PDE6A: variants seen among roughly 807,000 people sequenced by gnomAD.
PDE6A encodes phosphodiesterase 6A, also known as rod cGMP-specific 3',5'-cyclic phosphodiesterase subunit alpha.
A neutral mutation model predicts 106.3 loss-of-function variants in PDE6A; 84 were observed. That is an observed-to-expected ratio of 0.79 (90% CI 0.66 to 0.95). The LOEUF (loss-of-function observed/expected upper bound fraction) is 0.95, where lower values mean the gene tolerates loss of function less well. PDE6A is among the 40% of genes least tolerant of loss of function. PDE6A has a pLI of 0.00. For synonymous variants in PDE6A, 394 were observed against 386.6 expected, an observed-to-expected ratio of 1.02 and a Z score of -0.23; for missense variants, 1,052 against 1,084.9, an observed-to-expected ratio of 0.97 and a Z score of 0.43.
chr5:149,922,064 A>C (rs1355316249), intron 4 of PDE6A, among the ~76,000 whole-genome samples: 1 of 152,174 alleles, frequency 6.6e-6, no homozygotes, highest in Admixed American at 6.5e-5. Flanking sequence ...ACAATGTCCC[A>C]AGCAGTATCA....
chr5:149,860,666 A>G lies in PDE6A; in HGVS notation c.*229T>C. On this transcript the variant is annotated 3_prime_UTR_variant, in exon 22 of 22. Transcript: ENST00000255266. ...TTTTTTTTGGCGATTTTTTTTTTTA[A>G]GTTCAACAGCTATCATTAGTGTTAC... The G allele has an allele frequency of 2.5e-6, 1 of 393,844 alleles. No individual in the cohort carries two copies. The highest frequency in any genetic ancestry group is 4.5e-6 in the Non-Finnish European group (1 of 220,224). 24.4% of individuals were successfully genotyped at this position (393,844 alleles called of 1,614,324 possible). A position where few individuals can be genotyped will look rare whatever the true frequency, so the allele number is the denominator to read the frequency against.
chr5:149,906,946 A>G (rs1020760320), intron 7 of PDE6A, among the ~76,000 whole-genome samples: 9 of 151,728 alleles, frequency 5.9e-5, no homozygotes, highest in Non-Finnish European at 1.2e-4. Context: ...AAATTTTTAT[A>G]TTTTTAGTAG....
rs542707554 is a variant in PDE6A at position 149,905,325 on chromosome 5, T to C, written c.1066-1630A>G. Among the ~76,000 whole-genome samples, 17 of 152,268 alleles carry C rather than the reference T, an allele frequency of 1.1e-4. No individual in the cohort carries two copies. In the South Asian group the frequency reaches 3.5e-3, roughly 32 times the overall value. On this transcript the variant is annotated intron_variant, in intron 7 of 21. Coordinates refer to ENST00000255266, the MANE Select transcript of PDE6A (RefSeq NM_000440.3). ...AGTGGCTTCCTCCACACTCATAATTTCAAACACCATCTGGTCCTGATATCT... is the reference window on the plus strand; with the variant it reads ...AGTGGCTTCCTCCACACTCATAATTCCAAACACCATCTGGTCCTGATATCT...
At chr5:149,911,117 G>A (rs775209621) in intron 6 of PDE6A, among the ~76,000 whole-genome samples, 6 of 151,962 alleles carry the variant, frequency 3.9e-5, no homozygotes, top group Non-Finnish European at 8.8e-5. Flanking sequence ...CTGAGCTCAA[G>A]GGATCTGCCT....
chr5:149,931,480 A>C (rs947171253), intron 3 of PDE6A, among the ~76,000 whole-genome samples: 11 of 152,228 alleles, frequency 7.2e-5, no homozygotes, highest in Non-Finnish European at 1.5e-4. Flanking sequence ...CAAGTACAAA[A>C]CTAAAATGAA....
At chr5:149,881,101 A>C (rs1044442811) in intron 17 of PDE6A, among the ~76,000 whole-genome samples, 3 of 152,102 alleles carry the variant, frequency 2.0e-5, no homozygotes, top group Admixed American at 6.6e-5. Flanking sequence ...AACATAACAG[A>C]TGCTGGTAAG....
intron 6 of PDE6A, among the ~76,000 whole-genome samples, chr5:149,910,407 A>G (rs1188412430): frequency 6.6e-6 from 1 of 152,216 alleles, no homozygotes; most frequent in Non-Finnish European, 1.5e-5. Flanking sequence ...AATGCTGCCA[A>G]TTAACCTATA....
intron 9 of PDE6A, 98 bp from the exon 10 acceptor site, chr5:149,898,604 G>T: frequency 7.7e-7 from 1 of 1,291,328 alleles, no homozygotes; most frequent in Non-Finnish European, 1.1e-6. Flanking sequence ...TGTTTTCTCA[G>T]CTATAAAATG....
chr5:149,863,143 G>C lies in PDE6A; in HGVS notation c.2482C>G (p.Gln828Glu). 6.2e-7 allele frequency: 1 copy of C among 1,614,200 alleles called. No individual in the cohort carries two copies. Among genetic ancestry groups the C allele is most frequent in the African/African-American group, 1.3e-5 (1 of 75,040 alleles). ...CCTGACTTGGCCGACTGCTGTTTCTGCTTCTTCTCCTCCTGCACCTTCATC... is the reference window on the plus strand; with the variant it reads ...CCTGACTTGGCCGACTGCTGTTTCTCCTTCTTCTCCTCCTGCACCTTCATC... ...AKMKVQEEKKQKQQSAKSAAA... is the reference protein window; with the variant it reads ...AKMKVQEEKKEKQQSAKSAAA... Residue 828 changes from glutamine (Q) to glutamate (E), a missense_variant, in exon 21 of 22, where the codon CAG becomes GAG. This residue lies in a region of PDE6A where 135 missense variants were observed against 153.2 expected (regional missense o/e 0.88). Transcript: ENST00000255266. This position sits in a 1 kb window ranked among gnomAD's most constrained non-coding sequence, Gnocchi z 4.7.
intron 6 of PDE6A, among the ~76,000 whole-genome samples, chr5:149,912,117 CT>C (rs1297306689): frequency 1.3e-5 from 2 of 152,062 alleles, no homozygotes; most frequent in South Asian, 4.2e-4. Context: ...TTCTCCCTCT[CT>C]TTTTTAGTGA....
chr5:149,938,086 T>C (rs1293685803), intron 1 of PDE6A, among the ~76,000 whole-genome samples: 4 of 152,194 alleles, frequency 2.6e-5, no homozygotes, highest in Admixed American at 1.3e-4. Context: ...TAGTGGAATG[T>C]CATGCAAAAC....
At chr5:149,884,103 A>G (rs1316256488) in intron 16 of PDE6A, among the ~76,000 whole-genome samples, 1 of 151,400 alleles carries the variant, frequency 6.6e-6, no homozygotes, top group East Asian at 1.9e-4. Context: ...AGGTGGGAGG[A>G]TCCCTTGAGC....
intron 4 of PDE6A, among the ~76,000 whole-genome samples, chr5:149,925,410 C>T (rs1217078440): frequency 6.6e-6 from 1 of 152,114 alleles, no homozygotes; most frequent in Non-Finnish European, 1.5e-5. Context: ...CAATTAGACA[C>T]TGTTGAAGAG....
intron 3 of PDE6A, chr5:149,931,935 C>T (rs1337490590): frequency 1.1e-5 from 11 of 997,810 alleles, no homozygotes; most frequent in Non-Finnish European, 1.7e-5. Flanking sequence ...AATGAAGAGA[C>T]AGAAACAAAG....
chr5:149,914,567 G>A (rs1753492143), intron 6 of PDE6A, among the ~76,000 whole-genome samples: 1 of 151,146 alleles, frequency 6.6e-6, no homozygotes. Context: ...TAGAGATTAG[G>A]AGAGAGGTAA....
intron 13 of PDE6A, among the ~76,000 whole-genome samples, chr5:149,891,706 G>T (rs1752552968): frequency 6.6e-6 from 1 of 152,000 alleles, no homozygotes; most frequent in Admixed American, 6.6e-5. Context: ...GGGAGGCTGA[G>T]ATGGGAAGAT....
chr5:149,861,053 G>T, intron 21 of PDE6A, 82 bp from the exon 22 acceptor site: 1 of 1,283,504 alleles, frequency 7.8e-7, no homozygotes, highest in Non-Finnish European at 1.1e-6. Context: ...TGGACCAAGA[G>T]TTGCAAACTC....
intron 8 of PDE6A, 87 bp downstream of exon 8, chr5:149,903,561 A>G: frequency 1.0e-6 from 1 of 1,004,044 alleles, no homozygotes; most frequent in Admixed American, 1.7e-5. Context: ...GCTTCCCAGC[A>G]GAGTGGGTGG....
chr5:149,921,090 A>C (rs1436947107), intron 5 of PDE6A, among the ~76,000 whole-genome samples: 1 of 152,128 alleles, frequency 6.6e-6, no homozygotes, highest in Non-Finnish European at 1.5e-5. Flanking sequence ...TATAGACTAG[A>C]TATGAAGGTT....
Sources: gnomAD v4.1 joint callset for allele counts (sites outside exome capture counted in the v4.1 genomes callset) on GRCh38, gnomAD v4.1.1 for gene constraint, gnomAD v4.1.1 regional missense constraint, Gnocchi (gnomAD v3.1) non-coding constraint, MANE v1.5 for transcripts, NCBI Gene and HGNC (gene_info 2026-07-23, HGNC 2026-07-21) for gene names.